Variants in MAPK10 observed in about 807,000 individuals in gnomAD.
The protein encoded by MAPK10 is mitogen-activated protein kinase 10.
In MAPK10, 25 loss-of-function variants were observed where a neutral mutation model predicts 59.3. The ratio of observed to expected loss-of-function variants is 0.42; its 90% CI spans 0.31 to 0.59. The LOEUF (loss-of-function observed/expected upper bound fraction) is 0.59. MAPK10 is among the 20% of genes least tolerant of loss of function. The pLI is 0.15. For synonymous variants in MAPK10, 190 were observed against 200.5 expected, an observed-to-expected ratio of 0.95 and a Z score of 0.44; for missense variants, 351 against 568.9, an observed-to-expected ratio of 0.62 and a Z score of 3.90.
chr4:86,429,436 G>C (rs1365163893), intron 1 of MAPK10, among the ~76,000 whole-genome samples: 1 of 152,112 alleles, frequency 6.6e-6, no homozygotes, highest in African/African-American at 2.4e-5. Flanking sequence ...GAAGCACAGA[G>C]ATATCTTTTC....
At chr4:86,515,319 A>G (rs1756571184) in intron 1 of MAPK10, among the ~76,000 whole-genome samples, 1 of 152,204 alleles carries the variant, frequency 6.6e-6, no homozygotes, top group African/African-American at 2.4e-5. Context: ...ACTTTTTCAT[A>G]TAGTGACTTG....
At chr4:86,265,477 C>G (rs2094195075) in intron 2 of MAPK10, among the ~76,000 whole-genome samples, 1 of 151,282 alleles carries the variant, frequency 6.6e-6, no homozygotes, top group South Asian at 2.1e-4. Flanking sequence ...CCACTGCACT[C>G]CAGCTGGGGT....
intron 1 of MAPK10, among the ~76,000 whole-genome samples, chr4:86,393,488 A>G (rs1295151328): frequency 6.6e-6 from 1 of 152,196 alleles, no homozygotes; most frequent in Non-Finnish European, 1.5e-5. Flanking sequence ...TTTGTGATCA[A>G]AAATAAAGCA....
intron 1 of MAPK10, among the ~76,000 whole-genome samples, chr4:86,500,838 A>G (rs1031965877): frequency 6.6e-5 from 10 of 152,180 alleles, no homozygotes; most frequent in African/African-American, 1.7e-4. Context: ...TGCTACAGCC[A>G]AAATAGTTAT....
intron 2 of MAPK10, among the ~76,000 whole-genome samples, chr4:86,319,043 A>C (rs1387855721): frequency 1.3e-5 from 2 of 152,202 alleles, no homozygotes; most frequent in Non-Finnish European, 2.9e-5. Context: ...AAATAGCAGA[A>C]GGGACCAACA....
At chr4:86,217,567 A>T (rs1287223479) in intron 2 of MAPK10, among the ~76,000 whole-genome samples, 1 of 152,178 alleles carries the variant, frequency 6.6e-6, no homozygotes, top group Non-Finnish European at 1.5e-5. Context: ...CCTATATACC[A>T]TCACCACAGC....
intron 9 of MAPK10, among the ~76,000 whole-genome samples, chr4:86,086,741 T>A (rs566896908): frequency 6.6e-6 from 1 of 152,158 alleles, no homozygotes; most frequent in African/African-American, 2.4e-5. Context: ...TTAATAGATT[T>A]AGGTATAATT....
chr4:86,136,011 G>A (rs1214230459), intron 4 of MAPK10, among the ~76,000 whole-genome samples: 2 of 152,124 alleles, frequency 1.3e-5, no homozygotes, highest in Non-Finnish European at 2.9e-5. Flanking sequence ...AATGAACAAA[G>A]CTTCCAAGAA....
At chr4:86,238,231 C>T (rs1366241653) in intron 2 of MAPK10, among the ~76,000 whole-genome samples, 1 of 152,280 alleles carries the variant, frequency 6.6e-6, no homozygotes, top group Non-Finnish European at 1.5e-5. Context: ...CAATACCATA[C>T]TGTTTTGGTT....
chr4:86,209,759 A>T (rs2085266245), intron 2 of MAPK10, among the ~76,000 whole-genome samples: 1 of 139,586 alleles, frequency 7.2e-6, no homozygotes, highest in African/African-American at 3.1e-5. Flanking sequence ...CATTCTTCAT[A>T]GAAACAGGAA....
intron 4 of MAPK10, among the ~76,000 whole-genome samples, chr4:86,146,920 T>C (rs1233003074): frequency 6.6e-6 from 1 of 152,168 alleles, no homozygotes; most frequent in East Asian, 1.9e-4. Flanking sequence ...GGCAGGATCT[T>C]TGGTCCTTTC....
chr4:86,202,552 A>T (rs548463433), intron 2 of MAPK10, among the ~76,000 whole-genome samples: 7 of 152,034 alleles, frequency 4.6e-5, no homozygotes, highest in African/African-American at 1.7e-4. Context: ...ATCTCCTCAT[A>T]TTGAAACCTG....
intron 9 of MAPK10, chr4:86,095,603 G>T (rs1393039444): frequency 6.6e-6 from 1 of 151,820 alleles, no homozygotes; most frequent in Non-Finnish European, 1.5e-5. Context: ...ATTTCAATAT[G>T]CTTAAAATTG....
At chr4:86,487,712 C>T (rs1490509627) in intron 1 of MAPK10, among the ~76,000 whole-genome samples, 4 of 136,118 alleles carry the variant, frequency 2.9e-5, no homozygotes, top group Admixed American at 1.6e-4. Flanking sequence ...GCCTGGGCAA[C>T]AGCACGAGAC....
chr4:86,085,577 T>C (rs2051615303), intron 9 of MAPK10, among the ~76,000 whole-genome samples: 1 of 152,270 alleles, frequency 6.6e-6, no homozygotes, highest in South Asian at 2.1e-4. Context: ...AAAGAGCTTA[T>C]ATCCAAAAAC....
At chr4:86,569,008 G>C (rs1469950057) in intron 1 of MAPK10, among the ~76,000 whole-genome samples, 2 of 152,012 alleles carry the variant, frequency 1.3e-5, no homozygotes, top group Non-Finnish European at 2.9e-5. Context: ...GCAGTAAACA[G>C]ACAACCTACA....
chr4:86,348,102 T>A (rs1311008628), intron 2 of MAPK10, among the ~76,000 whole-genome samples: 1 of 152,212 alleles, frequency 6.6e-6, no homozygotes, highest in African/African-American at 2.4e-5. Context: ...TTCTCTTCAC[T>A]TTGATTGTTA....
At position 86,103,236 on chromosome 4, in the gene MAPK10, A is replaced by G. The variant is rs1289670349; in HGVS notation, c.375T>C (p.Ser125=). The G allele has an allele frequency of 9.5e-6, 15 of 1,574,164 alleles. No homozygotes were observed. The highest frequency in any genetic ancestry group is 2.2e-5 in the South Asian group (2 of 90,240). The change falls in exon 6 of 14, where the codon AGT becomes AGC. Residue 125 remains serine (S), a synonymous_variant. Transcript: ENST00000641462. ...TCTGGGGTGTGAAGACATTTAATAAACTAATAATCTGAAAGAGAGTGGAAG... is the reference window on the plus strand; with the variant it reads ...TCTGGGGTGTGAAGACATTTAATAAGCTAATAATCTGAAAGAGAGTGGAAG... ...MKCVNHKNII[S]LLNVFTPQKT... is the part of the protein sequence containing the mutation.
At chr4:86,074,121 T>C (rs1349348285) in intron 9 of MAPK10, among the ~76,000 whole-genome samples, 1 of 113,402 alleles carries the variant, frequency 8.8e-6, no homozygotes, top group African/African-American at 3.9e-5. Context: ...GCTCTTCTTG[T>C]TGAATTGATC....
Sources: gnomAD v4.1 joint callset for allele counts (sites outside exome capture counted in the v4.1 genomes callset) on GRCh38, gnomAD v4.1.1 for gene constraint, MANE v1.5 for transcripts, NCBI Gene and HGNC (gene_info 2026-07-23, HGNC 2026-07-21) for gene names.